EGFLAM: variants seen among roughly 807,000 people sequenced by gnomAD.
The protein encoded by EGFLAM is pikachurin.
EGFLAM carries 79 observed loss-of-function variants against 113.1 expected under a neutral mutation model. The observed-to-expected ratio is 0.70, with a 90% CI of 0.58 to 0.84. EGFLAM has a LOEUF of 0.84. Among genes scored for constraint, EGFLAM ranks in the 40% least tolerant of loss-of-function variants. The pLI is 0.00. For synonymous variants in EGFLAM, 504 were observed against 487.6 expected (o/e 1.03, Z -0.44); for missense variants, 1,265 against 1,291.6 (o/e 0.98, Z 0.32).
intron 1 of EGFLAM, among the ~76,000 whole-genome samples, chr5:38,321,868 T>G (rs1738751599): frequency 6.6e-6 from 1 of 152,190 alleles, no homozygotes; most frequent in African/African-American, 2.4e-5. Flanking sequence ...CCCACGTACA[T>G]TTGTCTTAAA....
At chr5:38,259,241 C>A (rs572161162) in intron 1 of EGFLAM, among the ~76,000 whole-genome samples, 1 of 152,274 alleles carries the variant, frequency 6.6e-6, no homozygotes, top group Non-Finnish European at 1.5e-5. Context: ...GTCCAGAGCC[C>A]AGCCATTTCC....
intron 6 of EGFLAM, among the ~76,000 whole-genome samples, chr5:38,386,574 T>C (rs1214787686): frequency 3.9e-5 from 6 of 152,206 alleles, no homozygotes; most frequent in Non-Finnish European, 7.3e-5. Flanking sequence ...TGGCACAGTC[T>C]TGGCTCACTG....
chr5:38,394,088 T>G (rs559639616), intron 6 of EGFLAM, among the ~76,000 whole-genome samples: 1 of 151,924 alleles, frequency 6.6e-6, no homozygotes, highest in Non-Finnish European at 1.5e-5. Context: ...TATCCATCTA[T>G]TTGTAGTCTC....
intron 1 of EGFLAM, among the ~76,000 whole-genome samples, chr5:38,287,445 C>T (rs1338546086): frequency 6.6e-6 from 1 of 152,172 alleles, no homozygotes; most frequent in Non-Finnish European, 1.5e-5. Flanking sequence ...AATCTTGGCT[C>T]ACTGCAACCT....
In EGFLAM at chr5:38,454,972, T is replaced by C. The variant is rs1743037668; in HGVS notation, c.2688-3339T>C. 2.6e-5 allele frequency among the ~76,000 whole-genome samples: 4 copies of C among 152,138 alleles called. No homozygotes were observed. In the South Asian group the frequency reaches 6.2e-4, roughly 24 times the overall value. ...AGTGAAAATGAGTGTGTTTTTCTGT[T>C]TTCTGTTTTGTTTTTGTTTTGTTTC... On this transcript the variant is annotated intron_variant, in intron 19 of 21. Coordinates refer to ENST00000322350, the MANE Select transcript of EGFLAM (RefSeq NM_152403.4).
intron 1 of EGFLAM, among the ~76,000 whole-genome samples, chr5:38,300,095 T>C (rs895536812): frequency 1.3e-5 from 2 of 152,178 alleles, no homozygotes. Context: ...CAGTTTTAAA[T>C]GGAGTGGTCA....
intron 14 of EGFLAM, among the ~76,000 whole-genome samples, chr5:38,429,470 CA>C (rs1742119314): frequency 1.3e-5 from 2 of 152,158 alleles, no homozygotes; most frequent in Admixed American, 6.5e-5. Context: ...TCCAGGACCA[CA>C]AGATAATTGG....
At chr5:38,346,421 T>C (rs1314346146) in intron 3 of EGFLAM, 1 of 152,214 alleles carries the variant, frequency 6.6e-6, no homozygotes, top group African/African-American at 2.4e-5. Flanking sequence ...ACTGACTAAA[T>C]CTTGAGCAAA....
At chr5:38,423,428 C>T (rs965948934) in intron 12 of EGFLAM, among the ~76,000 whole-genome samples, 1 of 152,132 alleles carries the variant, frequency 6.6e-6, no homozygotes, top group African/African-American at 2.4e-5. Context: ...CTTTCATGAC[C>T]TCCCCTCCCC....
chr5:38,269,554 A>G (rs947994224), intron 1 of EGFLAM, among the ~76,000 whole-genome samples: 1 of 150,848 alleles, frequency 6.6e-6, no homozygotes, highest in Non-Finnish European at 1.5e-5. Context: ...CAGTGGCGCA[A>G]TCTCGGCTCA....
intron 1 of EGFLAM, among the ~76,000 whole-genome samples, chr5:38,267,932 AT>A (rs1359414792): frequency 6.6e-6 from 1 of 152,220 alleles, no homozygotes; most frequent in Non-Finnish European, 1.5e-5. Context: ...AACTAGAAAG[AT>A]TATTCATGTC....
intron 6 of EGFLAM, among the ~76,000 whole-genome samples, chr5:38,372,892 T>C (rs1324167733): frequency 6.6e-6 from 1 of 152,234 alleles, no homozygotes; most frequent in African/African-American, 2.4e-5. Flanking sequence ...GATACATTTA[T>C]ATTTTTTATT....
At chr5:38,431,764 T>C (rs1742197103) in intron 15 of EGFLAM, among the ~76,000 whole-genome samples, 1 of 152,196 alleles carries the variant, frequency 6.6e-6, no homozygotes, top group African/African-American at 2.4e-5. Context: ...AAGATTGTTC[T>C]TGTCTCAGCA....
intron 6 of EGFLAM, among the ~76,000 whole-genome samples, chr5:38,405,744 G>A (rs1040997740): frequency 5.3e-5 from 8 of 152,162 alleles, no homozygotes; most frequent in African/African-American, 1.7e-4. Context: ...GGATTGCTAG[G>A]TATGAACAAA....
At chr5:38,376,963 C>T (rs1433969014) in intron 6 of EGFLAM, among the ~76,000 whole-genome samples, 1 of 152,182 alleles carries the variant, frequency 6.6e-6, no homozygotes, top group African/African-American at 2.4e-5. Context: ...AGCCACTGTG[C>T]TCGACCCCAG....
intron 1 of EGFLAM, among the ~76,000 whole-genome samples, chr5:38,291,401 C>T (rs1758328250): frequency 6.6e-6 from 1 of 152,200 alleles, no homozygotes; most frequent in African/African-American, 2.4e-5. Context: ...GCTTCCTGCA[C>T]CACTACCAGC....
intron 4 of EGFLAM, 143 bp from the exon 5 acceptor site, chr5:38,352,053 T>A (rs1739640748): frequency 9.1e-7 from 1 of 1,102,054 alleles, no homozygotes; most frequent in East Asian, 2.4e-5. Context: ...TGAACAGAGA[T>A]ATTTTGGGTA....
At position 38,448,284 on chromosome 5, in the gene EGFLAM, T is replaced by C. The variant is rs377085975; in HGVS notation, c.2465-17T>C. 1.9e-6 allele frequency: 3 copies of C among 1,613,982 alleles called. No individual in the cohort carries two copies. In the African/African-American group the frequency reaches 4.0e-5, roughly 22 times the overall value. On this transcript the variant is annotated splice_polypyrimidine_tract_variant and intron_variant, in intron 17 of 21. Coordinates refer to ENST00000322350, the MANE Select transcript of EGFLAM (RefSeq NM_152403.4). ...GAACCACATACTATGTAACCTCCTTTTTCTGTTCTGTCCCAGCGATCATAG... is the reference window on the plus strand; with the variant it reads ...GAACCACATACTATGTAACCTCCTTCTTCTGTTCTGTCCCAGCGATCATAG...
chr5:38,367,493 C>A (rs922331833), intron 5 of EGFLAM, among the ~76,000 whole-genome samples: 1 of 151,886 alleles, frequency 6.6e-6, no homozygotes, highest in Non-Finnish European at 1.5e-5. Context: ...TCAAGCTATC[C>A]TCCCACCTCG....
Sources: allele counts gnomAD v4.1 joint callset (sites outside exome capture counted in the v4.1 genomes callset), GRCh38; gene constraint gnomAD v4.1.1; transcripts MANE v1.5; gene names NCBI Gene and HGNC (gene_info 2026-07-23, HGNC 2026-07-21).